The following HIVEP1 variants were observed in gnomAD, a reference collection of about 807,000 sequenced individuals.
HIVEP1 encodes HIVEP zinc finger 1, also known as zinc finger protein 40.
In HIVEP1, 36 loss-of-function variants were observed where a neutral mutation model predicts 180.0. The ratio of observed to expected loss-of-function variants is 0.20; its 90% CI spans 0.15 to 0.26. The LOEUF is 0.26. HIVEP1 is among the 10% of genes least tolerant of loss of function. The pLI, the probability that HIVEP1 is intolerant of heterozygous loss-of-function variation, is 1.00. For synonymous variants in HIVEP1, 1,239 were observed against 1,239.0 expected, an observed-to-expected ratio of 1.00 and a Z score of 0.00; for missense variants, 3,143 against 3,268.7, an observed-to-expected ratio of 0.96 and a Z score of 0.94.
intron 2 of HIVEP1, among the ~76,000 whole-genome samples, chr6:12,081,162 T>C (rs1029923499): frequency 1.3e-5 from 2 of 152,164 alleles, no homozygotes; most frequent in African/African-American, 4.8e-5. Context: ...TATCCAAACG[T>C]GGCATCCCTT....
In HIVEP1 at chr6:12,122,925, C is replaced by A. The variant is rs1382597814; in HGVS notation, c.3130C>A (p.Gln1044Lys). 1 of 1,613,890 alleles carries A rather than the reference C, an allele frequency of 6.2e-7. No individual in the cohort carries two copies. Reference sequence around the variant, plus strand: ...AAGTGTTGGGGATGATGAAGAACTTCAGCAAAATGAAAGTGGAACATCTCC... The same window carrying A: ...AAGTGTTGGGGATGATGAAGAACTTAAGCAAAATGAAAGTGGAACATCTCC... ...MKSVGDDEEL[Q>K]QNESGTSPKS... is the part of the protein sequence containing the mutation. The change falls in exon 4 of 9, where the codon CAG (glutamine) becomes AAG (lysine). Residue 1044 changes from glutamine to lysine, a missense_variant. This residue lies in a region of HIVEP1 where 1,357 missense variants were observed against 1,260.5 expected (regional missense o/e 1.08). Coordinates refer to ENST00000379388, the MANE Select transcript of HIVEP1 (RefSeq NM_002114.4).
intron 3 of HIVEP1, 91 bp downstream of exon 3, chr6:12,089,328 T>C: frequency 4.4e-6 from 3 of 679,922 alleles, no homozygotes; most frequent in Non-Finnish European, 7.6e-6. Flanking sequence ...AATAAATCAG[T>C]ATAGACATAT....
chr6:12,039,300 C>G (rs895660647), intron 2 of HIVEP1: 4 of 152,188 alleles, frequency 2.6e-5, no homozygotes, highest in Admixed American at 6.5e-5. Flanking sequence ...AGTTTTCTCT[C>G]ATTAAATGTT....
At chr6:12,014,420 G>A (rs80004406) in intron 1 of HIVEP1, among the ~76,000 whole-genome samples, 4,115 of 152,000 alleles carry the variant, frequency 0.027, 156 homozygotes, top group African/African-American at 0.086. Flanking sequence ...TACCTTCTTA[G>A]TTAACAGATT....
chr6:12,127,000 G>A (rs1428080414), intron 4 of HIVEP1, among the ~76,000 whole-genome samples: 1 of 151,974 alleles, frequency 6.6e-6, no homozygotes, highest in African/African-American at 2.4e-5. Context: ...TGGGATTACA[G>A]GTGCCCACCA....
the HIVEP1 span, among the ~76,000 whole-genome samples, chr6:12,206,437 A>C: frequency 6.6e-6 from 1 of 152,128 alleles, no homozygotes; most frequent in East Asian, 1.9e-4. Context: ...ACCCATCCAA[A>C]AGGGGAAATT....
At chr6:12,186,143 T>C in the HIVEP1 span, among the ~76,000 whole-genome samples, 13 of 151,838 alleles carry the variant, frequency 8.6e-5, no homozygotes, top group Admixed American at 3.3e-4. Flanking sequence ...AAAATCTAAA[T>C]TTTCATCAAC....
At chr6:12,177,291 TG>T in the HIVEP1 span, among the ~76,000 whole-genome samples, 1 of 152,224 alleles carries the variant, frequency 6.6e-6, no homozygotes, top group Non-Finnish European at 1.5e-5. Context: ...ATAACAAACC[TG>T]CACAGGTACC....
intron 2 of HIVEP1, among the ~76,000 whole-genome samples, chr6:12,040,493 G>C (rs1373935634): frequency 6.6e-6 from 1 of 152,004 alleles, no homozygotes; most frequent in African/African-American, 2.4e-5. Context: ...CTGTACTACT[G>C]TTTTGTTTTT....
intron 4 of HIVEP1, among the ~76,000 whole-genome samples, 181 bp downstream of exon 4, chr6:12,126,051 C>A (rs749765943): frequency 6.6e-6 from 1 of 152,116 alleles, no homozygotes; most frequent in Non-Finnish European, 1.5e-5. Context: ...ATAAGAGTTA[C>A]CAAGAGTCTT....
intron 2 of HIVEP1, among the ~76,000 whole-genome samples, chr6:12,053,156 G>C (rs11970536): frequency 0.025 from 3,868 of 152,100 alleles, 173 homozygotes; most frequent in African/African-American, 0.088. Flanking sequence ...ATAGTATATG[G>C]TGTTCATTAT....
intron 3 of HIVEP1, among the ~76,000 whole-genome samples, chr6:12,099,317 G>A (rs1473881513): frequency 1.3e-5 from 2 of 151,624 alleles, no homozygotes; most frequent in Non-Finnish European, 2.9e-5. Flanking sequence ...ACAGGCGCCC[G>A]CCACTACGCC....
chr6:12,155,296 G>A (rs150615591), intron 7 of HIVEP1, among the ~76,000 whole-genome samples: 18 of 152,242 alleles, frequency 1.2e-4, no homozygotes, highest in East Asian at 9.6e-4. Flanking sequence ...TGTGCAGGGT[G>A]TGCAGGTTTG....
rs754452579 is a variant in HIVEP1 at position 12,121,768 on chromosome 6, A to G, written c.1973A>G (p.Gln658Arg). The change falls in exon 4 of 9, where the codon CAG (glutamine) becomes CGG (arginine). Residue 658 changes from glutamine to arginine, a missense_variant. Transcript: ENST00000379388. The surrounding 1 kb of genome is among the most constrained non-coding windows in gnomAD (Gnocchi z 5.3). Reference sequence around the variant, plus strand: ...CAGGCTACCGATTACTCCCAAGAGCAGCAAGGAAAGCTCCTGAGTCCTCGA... The same window carrying G: ...CAGGCTACCGATTACTCCCAAGAGCGGCAAGGAAAGCTCCTGAGTCCTCGA... ...RQQATDYSQE[Q>R]QGKLLSPRSL... 9 of 1,614,074 alleles carry G rather than the reference A, an allele frequency of 5.6e-6. No homozygotes were observed. In the Admixed American group the frequency reaches 8.3e-5, roughly 15 times the overall value.
chr6:12,019,064 TCA>T (rs1768019140), intron 2 of HIVEP1, among the ~76,000 whole-genome samples: 1 of 152,206 alleles, frequency 6.6e-6, no homozygotes, highest in Admixed American at 6.5e-5. Flanking sequence ...AGTTAAGAAC[TCA>T]CAGCCACTAA....
upstream of HIVEP1, among the ~76,000 whole-genome samples, chr6:12,011,270 T>TA (rs1767268015): frequency 8.4e-5 from 6 of 71,632 alleles, no homozygotes; most frequent in Non-Finnish European, 1.5e-4. Flanking sequence ...CCCCTTGGGG[T>TA]CCCCCCCCCC....
chr6:12,042,204 C>G (rs577455635), intron 2 of HIVEP1, among the ~76,000 whole-genome samples: 1 of 150,462 alleles, frequency 6.6e-6, no homozygotes, highest in Non-Finnish European at 1.5e-5. Flanking sequence ...CTCAGCCTCC[C>G]GAGTAGCTGG....
intron 5 of HIVEP1, among the ~76,000 whole-genome samples, chr6:12,130,431 G>A (rs994435389): frequency 5.3e-5 from 8 of 152,238 alleles, no homozygotes; most frequent in Admixed American, 2.6e-4. Context: ...CCAGCTGTTC[G>A]GGAGGCTGAG....
At chr6:12,136,357 C>G (rs1486597435) in intron 7 of HIVEP1, among the ~76,000 whole-genome samples, 1 of 152,176 alleles carries the variant, frequency 6.6e-6, no homozygotes, top group Non-Finnish European at 1.5e-5. Flanking sequence ...ACAAACGTGG[C>G]TCCCAGTGCC....
Sources: gnomAD v4.1 joint callset for allele counts (sites outside exome capture counted in the v4.1 genomes callset) on GRCh38, gnomAD v4.1.1 for gene constraint, gnomAD v4.1.1 regional missense constraint, Gnocchi (gnomAD v3.1) non-coding constraint, MANE v1.5 for transcripts, NCBI Gene and HGNC (gene_info 2026-07-23, HGNC 2026-07-21) for gene names.